SIAH1: variants seen among roughly 807,000 people sequenced by gnomAD.
SIAH1 encodes siah E3 ubiquitin protein ligase 1, also known as E3 ubiquitin-protein ligase SIAH1.
Under a neutral mutation model 20.0 loss-of-function variants are expected in SIAH1, and 2 were observed. The ratio of observed to expected loss-of-function variants is 0.10; its 90% CI spans 0.04 to 0.31. The LOEUF is 0.31. SIAH1 is among the 10% of genes least tolerant of loss of function. The probability of loss-of-function intolerance (pLI) is 1.00; values close to 1 mark genes in which losing one functional copy is unlikely to be tolerated. For missense variants in SIAH1, 119 were observed against 355.3 expected (o/e 0.33, Z 5.35); for synonymous variants, 118 against 125.3 (o/e 0.94, Z 0.39).
intron 1 of SIAH1, among the ~76,000 whole-genome samples, chr16:48,377,907 G>T (rs952020004): frequency 6.6e-6 from 1 of 151,726 alleles, no homozygotes; most frequent in African/African-American, 2.4e-5. Context: ...GTGAGATCTC[G>T]TCTCTAATAA....
At chr16:48,375,035 G>C (rs1473203323) in intron 1 of SIAH1, among the ~76,000 whole-genome samples, 2 of 152,198 alleles carry the variant, frequency 1.3e-5, no homozygotes, top group South Asian at 4.1e-4. Flanking sequence ...AGCTAAAAGA[G>C]GTCAAAGTGG....
intron 1 of SIAH1, among the ~76,000 whole-genome samples, chr16:48,377,841 G>A (rs1371677447): frequency 6.6e-6 from 1 of 152,100 alleles, no homozygotes. Flanking sequence ...AATCTGGGAG[G>A]CCGAGGCGGC....
chr16:48,379,084 G>A (rs1015720338), intron 1 of SIAH1, among the ~76,000 whole-genome samples: 1 of 152,168 alleles, frequency 6.6e-6, no homozygotes, highest in African/African-American at 2.4e-5. Flanking sequence ...GCTTTTAGAT[G>A]CAAAGTAGGC....
intron 1 of SIAH1, among the ~76,000 whole-genome samples, chr16:48,371,464 T>A (rs760130120): frequency 6.6e-6 from 1 of 152,204 alleles, no homozygotes; most frequent in Non-Finnish European, 1.5e-5. Context: ...AGTCTTTAAA[T>A]TAAACCTTTA....
chr16:48,382,961 C>T (rs1961337231), intron 1 of SIAH1, among the ~76,000 whole-genome samples: 1 of 152,172 alleles, frequency 6.6e-6, no homozygotes, highest in Non-Finnish European at 1.5e-5. Flanking sequence ...TAGATAATTC[C>T]TTCATAACTC....
In SIAH1 at chr16:48,385,368, C is replaced by T. The variant is rs561200032; in HGVS notation, c.-167G>A. 2.5e-3 allele frequency: 377 copies of T among 152,242 alleles called. 3 individuals are homozygous for T. The highest frequency in any genetic ancestry group is 0.013 in the East Asian group (72 of 5,334). The allele number at this position is 152,242 out of a possible 1,614,324, so 9.4% of individuals were successfully genotyped here. ...AGAGCGCGCCCCGCAACGGCCGCCC[C>T]GGCTCCCCCCTGGCCGCCGCCGCCG... On this transcript the variant is annotated 5_prime_UTR_variant, in exon 1 of 2. Transcript: ENST00000394725.
chr16:48,371,124 A>G (rs1267268196), intron 1 of SIAH1, among the ~76,000 whole-genome samples: 1 of 152,014 alleles, frequency 6.6e-6, no homozygotes, highest in East Asian at 1.9e-4. Context: ...CAAAAAAAAA[A>G]AAAAAAAAAG....
chr16:48,383,928 T>TTAG (rs1491197556), intron 1 of SIAH1, among the ~76,000 whole-genome samples: 3 of 152,200 alleles, frequency 2.0e-5, no homozygotes, highest in African/African-American at 7.2e-5. Flanking sequence ...TGTTGAGAAC[T>TTAG]TAGTATGGGG....
At chr16:48,370,666 C>T (rs1007654508) in intron 1 of SIAH1, among the ~76,000 whole-genome samples, 11 of 151,988 alleles carry the variant, frequency 7.2e-5, no homozygotes, top group Non-Finnish European at 1.0e-4. Flanking sequence ...ATTAGCCAGG[C>T]GCGGTGGCGG....
chr16:48,386,983 T>C (rs979074497), upstream of SIAH1: 1 of 152,300 alleles, frequency 6.6e-6, no homozygotes, highest in South Asian at 2.1e-4. Flanking sequence ...TCCCTTCCTC[T>C]ACCCAACAGC....
intron 1 of SIAH1, among the ~76,000 whole-genome samples, chr16:48,370,152 T>C (rs1011713706): frequency 1.3e-5 from 2 of 152,310 alleles, no homozygotes; most frequent in African/African-American, 2.4e-5. Flanking sequence ...CCAAAATATA[T>C]AGGTATCCTC....
intron 1 of SIAH1, among the ~76,000 whole-genome samples, chr16:48,371,532 T>C (rs1219622131): frequency 6.6e-6 from 1 of 152,232 alleles, no homozygotes; most frequent in African/African-American, 2.4e-5. Context: ...TCATTAGATA[T>C]GAAATCAAAG....
intron 1 of SIAH1, among the ~76,000 whole-genome samples, chr16:48,383,487 AC>A (rs1961352177): frequency 6.6e-6 from 1 of 152,216 alleles, no homozygotes; most frequent in South Asian, 2.1e-4. Flanking sequence ...CCACCACACT[AC>A]ATTCTGCTCT....
chr16:48,366,796 C>T (rs568198588), intron 1 of SIAH1, among the ~76,000 whole-genome samples: 1 of 152,352 alleles, frequency 6.6e-6, no homozygotes, highest in African/African-American at 2.4e-5. Context: ...CACTTCCTCA[C>T]TCTATTAAGT....
intron 1 of SIAH1, among the ~76,000 whole-genome samples, chr16:48,372,196 GA>G (rs572071007): frequency 3.9e-5 from 6 of 152,094 alleles, no homozygotes; most frequent in Admixed American, 2.6e-4. Context: ...TAGTAAAATA[GA>G]AAAAAGTAAT....
intron 1 of SIAH1, chr16:48,365,512 A>C (rs762840615): frequency 1.2e-6 from 2 of 1,603,590 alleles, no homozygotes; most frequent in Non-Finnish European, 1.7e-6. Context: ...TTCCCCCAAG[A>C]AGTAAAGGAA....
chr16:48,385,306 A>G lies in SIAH1; in HGVS notation c.-105T>C. On this transcript the variant is annotated 5_prime_UTR_variant, in exon 1 of 2. Transcript: ENST00000394725. ...GCGCCACCGCCTCTTCCCGGCGCCG[A>G]GACCGACGGGACACCCTGGGCCGCC... 3.8e-6 allele frequency: 1 copy of G among 264,284 alleles called. No homozygotes were observed. Among genetic ancestry groups the G allele is most frequent in the Non-Finnish European group, 8.2e-6 (1 of 121,942 alleles). The allele number at this position is 264,284 out of a possible 1,614,324, so 16.4% of individuals were successfully genotyped here. A position where few individuals can be genotyped will look rare whatever the true frequency, so the allele number is the denominator to read the frequency against.
In SIAH1 at chr16:48,372,022, C is replaced by G. The variant is rs191099424; in HGVS notation, c.-2-9592G>C. 3.6e-4 allele frequency among the ~76,000 whole-genome samples: 55 copies of G among 151,790 alleles called. 1 individual carries two copies. Among genetic ancestry groups the G allele is most frequent in the Middle Eastern group, 3.4e-3 (1 of 292 alleles). ...AAGTATGTATACACACACACACACA[C>G]AGAGAAAAAAATTTTACAGCAGATC... On this transcript the variant is annotated intron_variant, in intron 1 of 1. Transcript: ENST00000394725.
intron 1 of SIAH1, among the ~76,000 whole-genome samples, chr16:48,382,028 A>G (rs961371688): frequency 6.6e-6 from 1 of 152,098 alleles, no homozygotes; most frequent in Non-Finnish European, 1.5e-5. Context: ...CTAAAAAATA[A>G]AGTCAATTAA....
Sources: allele counts gnomAD v4.1 joint callset (sites outside exome capture counted in the v4.1 genomes callset), GRCh38; gene constraint gnomAD v4.1.1; transcripts MANE v1.5; gene names NCBI Gene and HGNC (gene_info 2026-07-23, HGNC 2026-07-21).